DLG2: variants seen among roughly 807,000 people sequenced by gnomAD.
DLG2 encodes the protein disks large homolog 2.
A neutral mutation model predicts 132.5 loss-of-function variants in DLG2; 45 were observed. The ratio of observed to expected loss-of-function variants is 0.34; its 90% CI spans 0.27 to 0.44. DLG2 has a LOEUF of 0.44. Among genes scored for constraint, DLG2 ranks in the 20% least tolerant of loss-of-function variants. DLG2 has a pLI of 1.00. For synonymous variants in DLG2, 424 were observed against 419.6 expected (o/e 1.01, Z -0.13); for missense variants, 1,045 against 1,196.9 (o/e 0.87, Z 1.87).
intron 3 of DLG2, among the ~76,000 whole-genome samples, chr11:85,435,721 A>C (rs2091443590): frequency 6.6e-6 from 1 of 152,242 alleles, no homozygotes. Context: ...AATATTGTGA[A>C]AATGGCCATA....
intron 6 of DLG2, among the ~76,000 whole-genome samples, chr11:84,775,383 T>G (rs1483654543): frequency 6.6e-6 from 1 of 152,132 alleles, no homozygotes; most frequent in East Asian, 1.9e-4. Context: ...TGAAAGAACT[T>G]AATACAGAAC....
chr11:85,398,275 A>G (rs2087621141), intron 3 of DLG2, among the ~76,000 whole-genome samples: 2 of 152,196 alleles, frequency 1.3e-5, no homozygotes, highest in South Asian at 2.1e-4. Flanking sequence ...ACACATTTAA[A>G]GCAGTTTGAA....
At chr11:84,813,378 G>A (rs1401652523) in intron 6 of DLG2, among the ~76,000 whole-genome samples, 4 of 151,962 alleles carry the variant, frequency 2.6e-5, no homozygotes, top group South Asian at 2.1e-4. Context: ...TGAACTTCCC[G>A]GAGGAGATAA....
chr11:84,587,984 G>A (rs1462473601), intron 6 of DLG2, among the ~76,000 whole-genome samples: 2 of 151,944 alleles, frequency 1.3e-5, no homozygotes, highest in Non-Finnish European at 2.9e-5. Context: ...TTCCTATTAC[G>A]ATAGCATCAC....
intron 6 of DLG2, among the ~76,000 whole-genome samples, chr11:85,105,439 C>T (rs1470993741): frequency 6.6e-6 from 1 of 151,966 alleles, no homozygotes; most frequent in Non-Finnish European, 1.5e-5. Flanking sequence ...CTTCTCTATA[C>T]TTTCATTGAT....
At chr11:83,867,971 A>T (rs1286716102) in intron 16 of DLG2, among the ~76,000 whole-genome samples, 1 of 152,202 alleles carries the variant, frequency 6.6e-6, no homozygotes, top group Admixed American at 6.6e-5. Flanking sequence ...GGAAAAAAAA[A>T]TCTGTTCACC....
At chr11:84,437,374 C>T in intron 7 of DLG2, 1 of 152,192 alleles carries the variant, frequency 6.6e-6, no homozygotes, top group East Asian at 1.9e-4. Context: ...TTTTCAACCC[C>T]ACTCATTCCA....
chr11:85,608,623 G>A (rs2080762391), intron 2 of DLG2, among the ~76,000 whole-genome samples: 1 of 152,004 alleles, frequency 6.6e-6, no homozygotes, highest in Non-Finnish European at 1.5e-5. Flanking sequence ...GGCCCAGAAG[G>A]AAATAAGCAA....
chr11:84,455,039 T>C, intron 7 of DLG2, among the ~76,000 whole-genome samples: 1 of 151,438 alleles, frequency 6.6e-6, no homozygotes, highest in Non-Finnish European at 1.5e-5. Context: ...TTTGCTTTCT[T>C]AAAAAGGTGG....
chr11:83,551,512 G>A (rs1227174358), intron 19 of DLG2, among the ~76,000 whole-genome samples: 2 of 152,052 alleles, frequency 1.3e-5, no homozygotes, highest in East Asian at 3.9e-4. Context: ...AGCTCATCAG[G>A]GTAAGTAATG....
At chr11:85,280,548 C>T (rs2078161573) in intron 4 of DLG2, among the ~76,000 whole-genome samples, 1 of 151,946 alleles carries the variant, frequency 6.6e-6, no homozygotes, top group Non-Finnish European at 1.5e-5. Context: ...TTTCTGTCAC[C>T]AAGTTAGAAT....
intron 6 of DLG2, among the ~76,000 whole-genome samples, chr11:85,036,418 T>C (rs1490735257): frequency 6.6e-6 from 1 of 152,190 alleles, no homozygotes; most frequent in Non-Finnish European, 1.5e-5. Flanking sequence ...AACATTGGAT[T>C]ATGCCTAACA....
intron 5 of DLG2, among the ~76,000 whole-genome samples, chr11:85,145,489 T>A (rs1179001221): frequency 1.3e-5 from 2 of 152,094 alleles, no homozygotes; most frequent in African/African-American, 4.8e-5. Flanking sequence ...GTTTTCTAGA[T>A]CTCATAGGTT....
At chr11:84,430,455 G>A (rs148616484) in intron 7 of DLG2, among the ~76,000 whole-genome samples, 16 of 142,688 alleles carry the variant, frequency 1.1e-4, no homozygotes, top group South Asian at 2.2e-4. Context: ...AAAAAGAAAA[G>A]AAAAAAAAAA....
chr11:85,216,323 A>AT (rs533279339), intron 4 of DLG2, among the ~76,000 whole-genome samples: 3 of 152,164 alleles, frequency 2.0e-5, no homozygotes, highest in Non-Finnish European at 4.4e-5. Context: ...AAAATAGGCC[A>AT]TTTTTTTCAT....
chr11:83,833,294 C>T (rs1436425437), intron 17 of DLG2, among the ~76,000 whole-genome samples: 3 of 152,008 alleles, frequency 2.0e-5, no homozygotes, highest in Non-Finnish European at 2.9e-5. Flanking sequence ...AAAAATTAGT[C>T]GGATGTGGCG....
At chr11:83,489,898 G>A (rs185269179) in intron 21 of DLG2, among the ~76,000 whole-genome samples, 2 of 152,058 alleles carry the variant, frequency 1.3e-5, no homozygotes, top group African/African-American at 4.8e-5. Context: ...AGATACAAAC[G>A]TGGTACGGAG....
At chr11:84,769,850 G>C (rs144063360) in intron 6 of DLG2, among the ~76,000 whole-genome samples, 6 of 152,222 alleles carry the variant, frequency 3.9e-5, no homozygotes, top group Non-Finnish European at 5.9e-5. Flanking sequence ...TTCCAACCAA[G>C]AATTTAATAT....
At chr11:83,463,327 C>G (rs956806821) in intron 26 of DLG2, among the ~76,000 whole-genome samples, 3 of 151,392 alleles carry the variant, frequency 2.0e-5, no homozygotes, top group African/African-American at 4.9e-5. Flanking sequence ...ATTTCCTGAA[C>G]TCTTGTTGCT....
Sources: allele counts gnomAD v4.1 joint callset (sites outside exome capture counted in the v4.1 genomes callset), GRCh38; gene constraint gnomAD v4.1.1; transcripts MANE v1.5; gene names NCBI Gene and HGNC (gene_info 2026-07-23, HGNC 2026-07-21).